CDH7: variants seen among roughly 807,000 people sequenced by gnomAD.
CDH7 encodes cadherin 7.
A neutral mutation model predicts 71.8 loss-of-function variants in CDH7; 25 were observed. The observed-to-expected ratio is 0.35, with a 90% confidence interval of 0.25 to 0.49. The LOEUF is 0.49. Ranked by LOEUF, CDH7 falls within the 20% of genes least tolerant of loss-of-function variation. The pLI, the probability that CDH7 is intolerant of heterozygous loss-of-function variation, is 0.99. For synonymous variants in CDH7, 381 were observed against 363.8 expected (o/e 1.05, Z -0.54); for missense variants, 862 against 974.6 (o/e 0.88, Z 1.54).
chr18:65,776,361 AACAC>A (rs66695422), intron 2 of CDH7, among the ~76,000 whole-genome samples: 44,599 of 139,418 alleles, frequency 0.32, 7,014 homozygotes, highest in Middle Eastern at 0.42. Flanking sequence ...GAAAGTACAG[AACAC>A]ACACACACAC....
At chr18:65,816,378 C>T (rs1911725690) in intron 4 of CDH7, among the ~76,000 whole-genome samples, 1 of 151,956 alleles carries the variant, frequency 6.6e-6, no homozygotes, top group Non-Finnish European at 1.5e-5. Flanking sequence ...ACCTAAAGGG[C>T]ATGGGGAATT....
intron 2 of CDH7, among the ~76,000 whole-genome samples, chr18:65,773,717 A>G (rs909582299): frequency 6.6e-6 from 1 of 152,182 alleles, no homozygotes; most frequent in Admixed American, 6.6e-5. Context: ...ATGTATTTTT[A>G]AAAGTTAGTG....
chr18:65,857,046 A>G (rs1435080830), intron 7 of CDH7, among the ~76,000 whole-genome samples: 1 of 151,518 alleles, frequency 6.6e-6, no homozygotes, highest in Non-Finnish European at 1.5e-5. Flanking sequence ...AGGGTTAATA[A>G]CAGGTTGGTG....
At chr18:65,812,898 G>A (rs73542751) in intron 3 of CDH7, among the ~76,000 whole-genome samples, 1 of 152,262 alleles carries the variant, frequency 6.6e-6, no homozygotes, top group African/African-American at 2.4e-5. Flanking sequence ...TACATATAGA[G>A]GAAAGAGAGA....
chr18:65,847,381 T>C (rs1161264419), intron 7 of CDH7, among the ~76,000 whole-genome samples: 3 of 152,208 alleles, frequency 2.0e-5, no homozygotes, highest in Non-Finnish European at 2.9e-5. Context: ...GCCAATGGGA[T>C]GATTAGTTTT....
intron 11 of CDH7, among the ~76,000 whole-genome samples, chr18:65,877,845 C>G (rs1914116291): frequency 6.6e-6 from 1 of 152,198 alleles, no homozygotes; most frequent in South Asian, 2.1e-4. Context: ...GTTTATTCAT[C>G]CATGTATTTT....
intron 2 of CDH7, among the ~76,000 whole-genome samples, chr18:65,802,873 T>G (rs1911175423): frequency 6.6e-6 from 1 of 152,122 alleles, no homozygotes; most frequent in Admixed American, 6.5e-5. Context: ...TTTTGGTCCC[T>G]GATGAAAAAT....
chr18:65,798,237 G>A (rs926029197), intron 2 of CDH7, among the ~76,000 whole-genome samples: 1 of 152,044 alleles, frequency 6.6e-6, no homozygotes, highest in Non-Finnish European at 1.5e-5. Context: ...AAAAATAAGA[G>A]TATGTCAGAT....
At chr18:65,797,062 C>T (rs1031181329) in intron 2 of CDH7, among the ~76,000 whole-genome samples, 2 of 152,090 alleles carry the variant, frequency 1.3e-5, no homozygotes, top group African/African-American at 2.4e-5. Context: ...TCCTCAGTTC[C>T]GTGATGTGGT....
At chr18:65,869,545 A>ATT (rs10696115) in intron 11 of CDH7, among the ~76,000 whole-genome samples, 41,288 of 91,094 alleles carry the variant, frequency 0.45, 11,565 homozygotes, top group East Asian at 0.69. Context: ...AAGTGGGTCA[A>ATT]TTTTTTTTTT....
rs533002496 is a variant in CDH7, at chr18:65,836,736, C to T, written c.982-7076C>T. Among the ~76,000 whole-genome samples the T allele has an allele frequency of 9.2e-5, 14 of 152,138 alleles. No homozygotes were observed. The East Asian group carries it at 2.5e-3, about 27-fold the overall frequency. On this transcript the variant is annotated intron_variant, in intron 6 of 11. Coordinates refer to ENST00000397968, the MANE Select transcript of CDH7 (RefSeq NM_004361.5). The stretch of plus-strand genomic sequence containing the variant: ...TAAAAGTATAAAATGGACCTGGAGA[C>T]AACCAGTAATCTCTTTTGCTTATTC...
At chr18:65,855,129 G>A (rs1034407438) in intron 7 of CDH7, among the ~76,000 whole-genome samples, 1 of 151,934 alleles carries the variant, frequency 6.6e-6, no homozygotes, top group African/African-American at 2.4e-5. Flanking sequence ...CCAAACCTGT[G>A]ATGAGTTTAC....
At position 65,762,804 on chromosome 18, in the gene CDH7, G is replaced by C; in HGVS notation, c.-39G>C. Reference sequence around the variant, plus strand: ...GAACTGTGCCTTTTCTCTTGTCAAGGTTTTTTTCTTACACAGGAAAAAGAA... The same window carrying C: ...GAACTGTGCCTTTTCTCTTGTCAAGCTTTTTTTCTTACACAGGAAAAAGAA... On this transcript the variant is annotated 5_prime_UTR_variant, in exon 2 of 12. Transcript: ENST00000397968. 1 of 1,573,208 alleles carries C rather than the reference G, an allele frequency of 6.4e-7. No homozygotes were observed.
intron 7 of CDH7, among the ~76,000 whole-genome samples, chr18:65,855,257 A>G (rs1913310499): frequency 6.6e-6 from 1 of 152,024 alleles, no homozygotes; most frequent in Non-Finnish European, 1.5e-5. Context: ...AAATCAATGC[A>G]TTTCAAAACA....
intron 2 of CDH7, among the ~76,000 whole-genome samples, chr18:65,789,610 C>T (rs576936185): frequency 2.2e-4 from 34 of 151,974 alleles, no homozygotes; most frequent in African/African-American, 7.2e-4. Flanking sequence ...AAAACCAAGT[C>T]GGTGAGAGTT....
Position 65,824,762 on chromosome 18 carries a change from T to A in CDH7, c.912T>A (p.Gly304=). The change falls in exon 6 of 12, where the codon GGT becomes GGA. Residue 304 remains glycine, a synonymous_variant. Transcript: ENST00000397968. ...AAATGGAGTACAAGATTGTGGATGG[T>A]GATGGTTTGGGCATTTTTAAGATTT... ...NAEMEYKIVD[G]DGLGIFKISV... The A allele has an allele frequency of 6.2e-7, 1 of 1,612,550 alleles. No individual in the cohort carries two copies. The highest frequency in any genetic ancestry group is 8.5e-7 in the Non-Finnish European group (1 of 1,178,876).
At chr18:65,781,750 ATTTCTTTC>A (rs879796330) in intron 2 of CDH7, among the ~76,000 whole-genome samples, 1 of 78,492 alleles carries the variant, frequency 1.3e-5, no homozygotes. Context: ...CTATTGGTTG[ATTTCTTTC>A]TTTCTTTCTT....
At chr18:65,871,523 A>G (rs571872564) in intron 11 of CDH7, among the ~76,000 whole-genome samples, 2 of 152,206 alleles carry the variant, frequency 1.3e-5, no homozygotes, top group African/African-American at 4.8e-5. Flanking sequence ...GGTTACAGTG[A>G]GTAGGAAGAA....
chr18:65,860,340 A>G (rs1486358886), intron 10 of CDH7, among the ~76,000 whole-genome samples: 1 of 152,184 alleles, frequency 6.6e-6, no homozygotes, highest in Non-Finnish European at 1.5e-5. Context: ...AAGAAATATA[A>G]TGTTAAAAAT....
Sources: allele counts gnomAD v4.1 joint callset (sites outside exome capture counted in the v4.1 genomes callset), GRCh38; gene constraint gnomAD v4.1.1; transcripts MANE v1.5; gene names NCBI Gene and HGNC (gene_info 2026-07-23, HGNC 2026-07-21).